Variants in NRXN1 observed in about 807,000 individuals in gnomAD.
NRXN1 encodes neurexin 1.
A neutral mutation model predicts 150.9 loss-of-function variants in NRXN1; 39 were observed. The ratio of observed to expected loss-of-function variants is 0.26; its 90% CI spans 0.20 to 0.34. NRXN1 has a LOEUF of 0.34. Ranked by LOEUF, NRXN1 falls within the 10% of genes least tolerant of loss-of-function variation. The pLI is 1.00. For missense variants in NRXN1, 1,815 were observed against 1,949.9 expected (o/e 0.93, Z 1.30); for synonymous variants, 924 against 757.0 (o/e 1.22, Z -3.62).
At chr2:50,501,400 A>AGTGTGTGTGAGTGT (rs2091937092) in intron 13 of NRXN1, among the ~76,000 whole-genome samples, 1 of 148,180 alleles carries the variant, frequency 6.7e-6, no homozygotes, top group African/African-American at 2.5e-5. Context: ...TGTGTGTGTG[A>AGTGTGTGTGAGTGT]GTGTGTGTGT....
chr2:49,954,657 TG>T (rs1487350206), intron 21 of NRXN1, among the ~76,000 whole-genome samples: 2 of 152,130 alleles, frequency 1.3e-5, no homozygotes, highest in Non-Finnish European at 2.9e-5. Flanking sequence ...TAGGAGTGGT[TG>T]TATTTGTAGT....
At chr2:50,960,000 A>C (rs991078807) in intron 2 of NRXN1, among the ~76,000 whole-genome samples, 2 of 151,974 alleles carry the variant, frequency 1.3e-5, no homozygotes, top group Non-Finnish European at 2.9e-5. Flanking sequence ...TATACACAAA[A>C]ATTCTCCGAT....
chr2:50,170,188 G>A (rs1405556466), intron 18 of NRXN1, among the ~76,000 whole-genome samples: 1 of 151,694 alleles, frequency 6.6e-6, no homozygotes, highest in Non-Finnish European at 1.5e-5. Context: ...AACTGGTTGA[G>A]CACCCTAAAT....
At chr2:50,662,585 C>CTTTTG (rs370825378) in intron 5 of NRXN1, among the ~76,000 whole-genome samples, 2 of 149,346 alleles carry the variant, frequency 1.3e-5, no homozygotes, top group Admixed American at 1.3e-4. Context: ...AGTTTTTTTT[C>CTTTTG]TTTTGTTTTG....
At chr2:50,814,970 G>C (rs992540657) in intron 5 of NRXN1, among the ~76,000 whole-genome samples, 4 of 152,056 alleles carry the variant, frequency 2.6e-5, no homozygotes, top group African/African-American at 9.7e-5. Flanking sequence ...AGAATAAGGA[G>C]CTATATAGAG....
chr2:50,388,153 G>A (rs1212972346), intron 17 of NRXN1, among the ~76,000 whole-genome samples: 1 of 152,042 alleles, frequency 6.6e-6, no homozygotes, highest in Non-Finnish European at 1.5e-5. Flanking sequence ...TACATTTTGG[G>A]CAATCTGGGG....
At chr2:50,249,198 AG>A in intron 17 of NRXN1, among the ~76,000 whole-genome samples, 1 of 151,938 alleles carries the variant, frequency 6.6e-6, no homozygotes, top group Non-Finnish European at 1.5e-5. Context: ...ATGATGAAAA[AG>A]ATGATTCAAA....
intron 17 of NRXN1, among the ~76,000 whole-genome samples, chr2:50,278,241 AATATATATATATATTATATATATTAT>A: frequency 8.2e-6 from 1 of 122,626 alleles, no homozygotes; most frequent in Non-Finnish European, 1.6e-5. Context: ...ATATATATAT[AATATATATATATATTATATATATTAT>A]ATATGTATTA....
rs575035256 is a variant in NRXN1, at chr2:50,116,941, T to A, written c.3547-25447A>T. 3.9e-5 allele frequency among the ~76,000 whole-genome samples: 6 copies of A among 152,202 alleles called. No individual in the cohort carries two copies. In the South Asian group the frequency reaches 1.2e-3, roughly 32 times the overall value. ...TAAAAATCCCTGCACCTTCCTGGTA[T>A]TAATGGAAAGAGGTAGTGGGGTGTT... On this transcript the variant is annotated intron_variant, in intron 18 of 22. Coordinates refer to ENST00000401669, the MANE Select transcript of NRXN1 (RefSeq NM_001330078.2).
intron 2 of NRXN1, among the ~76,000 whole-genome samples, chr2:50,941,049 C>A (rs1689365557): frequency 6.6e-6 from 1 of 152,126 alleles, no homozygotes; most frequent in African/African-American, 2.4e-5. Context: ...TTGCTGTTCT[C>A]ATGATAGAAT....
intron 17 of NRXN1, among the ~76,000 whole-genome samples, chr2:50,413,413 A>T (rs879758081): frequency 6.6e-6 from 1 of 152,220 alleles, no homozygotes; most frequent in Non-Finnish European, 1.5e-5. Context: ...AAACAGGTAT[A>T]TGAAAAAGTG....
intron 17 of NRXN1, among the ~76,000 whole-genome samples, chr2:50,241,647 C>T (rs983212519): frequency 5.3e-5 from 8 of 151,940 alleles, no homozygotes; most frequent in African/African-American, 1.9e-4. Flanking sequence ...TGTCAACATA[C>T]TTTACACTCC....
At chr2:50,976,642 T>C (rs2104835917) in intron 2 of NRXN1, among the ~76,000 whole-genome samples, 1 of 152,044 alleles carries the variant, frequency 6.6e-6, no homozygotes, top group South Asian at 2.1e-4. Context: ...ATACACCACC[T>C]CTGTAATGTT....
intron 13 of NRXN1, among the ~76,000 whole-genome samples, chr2:50,501,030 C>T (rs993714181): frequency 6.6e-6 from 1 of 152,062 alleles, no homozygotes; most frequent in African/African-American, 2.4e-5. Context: ...TCTATAATAA[C>T]AAAACTCAGA....
chr2:50,894,490 T>C (rs72823551), intron 5 of NRXN1, among the ~76,000 whole-genome samples: 7,145 of 151,886 alleles, frequency 0.047, 307 homozygotes, highest in East Asian at 0.19. Flanking sequence ...TTTCCCCATG[T>C]TTTTCCATAA....
intron 18 of NRXN1, among the ~76,000 whole-genome samples, chr2:50,171,785 G>T (rs1267025039): frequency 2.0e-5 from 3 of 152,174 alleles, no homozygotes; most frequent in African/African-American, 7.2e-5. Flanking sequence ...GATTAGCAGG[G>T]TTACTGACAT....
At position 50,133,717 on chromosome 2, in the gene NRXN1, A is replaced by T. The variant is rs963047442; in HGVS notation, c.3547-42223T>A. 2.0e-5 allele frequency among the ~76,000 whole-genome samples: 3 copies of T among 152,134 alleles called. No individual in the cohort carries two copies. The South Asian group carries it at 6.2e-4, about 31-fold the overall frequency. On this transcript the variant is annotated intron_variant, in intron 18 of 22. Transcript: ENST00000401669. ...AGGAAGTACTTATAGTCACATAAAT[A>T]CTCAAGAAATCATAGACTTCTGGAG...
chr2:50,540,568 T>G (rs1418862044), intron 9 of NRXN1, among the ~76,000 whole-genome samples: 1 of 152,078 alleles, frequency 6.6e-6, no homozygotes, highest in Middle Eastern at 3.2e-3. Context: ...TGAGAAAGAG[T>G]GTCTTTTAAT....
intron 8 of NRXN1, among the ~76,000 whole-genome samples, chr2:50,603,047 T>C (rs898471802): frequency 2.6e-5 from 4 of 152,122 alleles, no homozygotes; most frequent in African/African-American, 4.8e-5. Context: ...CTGGAAGAGA[T>C]CTCTCACCTG....
Sources: allele counts gnomAD v4.1 joint callset (sites outside exome capture counted in the v4.1 genomes callset), GRCh38; gene constraint gnomAD v4.1.1; transcripts MANE v1.5; gene names NCBI Gene and HGNC (gene_info 2026-07-23, HGNC 2026-07-21).